The following ZMAT4 variants were observed in gnomAD, a reference collection of about 807,000 sequenced individuals.
ZMAT4 encodes the protein zinc finger matrin-type 4.
A neutral mutation model predicts 28.7 loss-of-function variants in ZMAT4; 17 were observed. The observed-to-expected ratio is 0.59, with a 90% CI of 0.41 to 0.89. The LOEUF (loss-of-function observed/expected upper bound fraction) is 0.89. Ranked by LOEUF, ZMAT4 falls within the 40% of genes least tolerant of loss-of-function variation. The pLI is 0.00. For synonymous variants in ZMAT4, 117 were observed against 109.2 expected (o/e 1.07, Z -0.44); for missense variants, 240 against 283.8 (o/e 0.85, Z 1.11).
At chr8:40,626,605 T>A (rs990469) in intron 5 of ZMAT4, among the ~76,000 whole-genome samples, 149,103 of 152,312 alleles carry the variant, frequency 0.98, 73,078 homozygotes, top group Middle Eastern at 1. Flanking sequence ...GACTTAGCAA[T>A]GTTGGTTAGT....
chr8:40,697,079 G>A, intron 4 of ZMAT4, 166 bp downstream of exon 4: 1 of 710,522 alleles, frequency 1.4e-6, no homozygotes, highest in East Asian at 2.7e-5. Context: ...GGGGTCTTAG[G>A]ACAGCCAGGT....
At chr8:40,740,396 A>G (rs1275251664) in intron 3 of ZMAT4, among the ~76,000 whole-genome samples, 2 of 152,270 alleles carry the variant, frequency 1.3e-5, no homozygotes, top group Non-Finnish European at 2.9e-5. Context: ...TTTTAAATGC[A>G]TAAAGCAAAA....
At chr8:40,703,928 G>C (rs536208731) in intron 3 of ZMAT4, among the ~76,000 whole-genome samples, 3 of 152,276 alleles carry the variant, frequency 2.0e-5, no homozygotes, top group East Asian at 1.9e-4. Flanking sequence ...TTTTGTTCAT[G>C]ATGGCTCCCA....
chr8:40,552,432 C>A (rs1294799271), intron 6 of ZMAT4, among the ~76,000 whole-genome samples: 2 of 152,158 alleles, frequency 1.3e-5, no homozygotes, highest in Non-Finnish European at 2.9e-5. Context: ...CTATCCAAGT[C>A]TTTATGTCCT....
intron 2 of ZMAT4, among the ~76,000 whole-genome samples, chr8:40,786,980 T>C (rs542046940): frequency 3.9e-4 from 60 of 152,272 alleles, no homozygotes; most frequent in African/African-American, 1.4e-3. Flanking sequence ...ACCCGAGAAA[T>C]TTTTTCAATA....
chr8:40,881,543 AAAGAAAG>A (rs1818255355), intron 1 of ZMAT4, among the ~76,000 whole-genome samples: 17 of 65,898 alleles, frequency 2.6e-4, no homozygotes, highest in African/African-American at 8.5e-4. Flanking sequence ...AGAAAGAAAG[AAAGAAAG>A]AAAGAAAGAA....
chr8:40,694,179 G>A (rs1809776001), intron 4 of ZMAT4, among the ~76,000 whole-genome samples: 1 of 152,148 alleles, frequency 6.6e-6, no homozygotes, highest in African/African-American at 2.4e-5. Flanking sequence ...TGAAGCCCTG[G>A]AGAAGCTGCT....
chr8:40,734,324 A>G (rs533738209), intron 3 of ZMAT4, among the ~76,000 whole-genome samples: 1 of 152,348 alleles, frequency 6.6e-6, no homozygotes, highest in South Asian at 2.1e-4. Flanking sequence ...ATGGCACTTA[A>G]GAGGAGTTAC....
intron 3 of ZMAT4, among the ~76,000 whole-genome samples, chr8:40,756,426 T>TTTTATATATATATATATATATA (rs1389568182): frequency 2.7e-5 from 2 of 73,284 alleles, no homozygotes; most frequent in Non-Finnish European, 4.8e-5. Context: ...AAATGTTCTT[T>TTTTATATATATATATATATATA]TATATATATA....
At chr8:40,650,141 G>A (rs1807565326) in intron 5 of ZMAT4, among the ~76,000 whole-genome samples, 1 of 152,146 alleles carries the variant, frequency 6.6e-6, no homozygotes, top group South Asian at 2.1e-4. Flanking sequence ...CCAGGAGCTG[G>A]TTTTTTGAAG....
intron 3 of ZMAT4, among the ~76,000 whole-genome samples, chr8:40,711,474 T>C (rs1810619055): frequency 6.6e-6 from 1 of 152,014 alleles, no homozygotes; most frequent in Non-Finnish European, 1.5e-5. Flanking sequence ...CCAAATCCAA[T>C]CAAGTCTCTG....
chr8:40,541,519 C>T (rs1436124919), intron 6 of ZMAT4, among the ~76,000 whole-genome samples: 2 of 152,074 alleles, frequency 1.3e-5, no homozygotes, highest in Admixed American at 6.6e-5. Flanking sequence ...AAATTCAGTT[C>T]CTCAGTCACA....
At chr8:40,601,693 AAAGAAAGAAAGAAAAG>A (rs1805386597) in intron 5 of ZMAT4, among the ~76,000 whole-genome samples, 1 of 30,572 alleles carries the variant, frequency 3.3e-5, no homozygotes, top group Non-Finnish European at 7.6e-5. Flanking sequence ...AGAAAGAAAG[AAAGAAAGAAAGAAAAG>A]AAAGAAAGAA....
At chr8:40,763,629 G>A (rs1320209588) in intron 3 of ZMAT4, among the ~76,000 whole-genome samples, 2 of 152,118 alleles carry the variant, frequency 1.3e-5, no homozygotes, top group Non-Finnish European at 2.9e-5. Flanking sequence ...TAGCATTTAG[G>A]GAAGCAGGAT....
chr8:40,576,334 T>G (rs1481753685), intron 6 of ZMAT4, among the ~76,000 whole-genome samples: 1 of 150,216 alleles, frequency 6.7e-6, no homozygotes, highest in African/African-American at 2.4e-5. Flanking sequence ...CCAAGTAGAT[T>G]AAACCCAAAA....
intron 3 of ZMAT4, among the ~76,000 whole-genome samples, chr8:40,711,665 G>A (rs559597939): frequency 6.6e-6 from 1 of 152,312 alleles, no homozygotes; most frequent in South Asian, 2.1e-4. Flanking sequence ...GACTAAAATA[G>A]ATGTAAAAAG....
chr8:40,865,028 T>C (rs1817628267), intron 1 of ZMAT4, among the ~76,000 whole-genome samples: 1 of 152,190 alleles, frequency 6.6e-6, no homozygotes, highest in South Asian at 2.1e-4. Flanking sequence ...ACTCAATGAA[T>C]TCTGTGCAAG....
At chr8:40,793,049 A>G (rs1436363889) in intron 2 of ZMAT4, among the ~76,000 whole-genome samples, 1 of 152,102 alleles carries the variant, frequency 6.6e-6, no homozygotes, top group Non-Finnish European at 1.5e-5. Context: ...GTCAACACTC[A>G]TCAAAGATAT....
chr8:40,533,140 ATTTAC>A (rs1802747115), intron 6 of ZMAT4, among the ~76,000 whole-genome samples: 1 of 152,140 alleles, frequency 6.6e-6, no homozygotes, highest in Admixed American at 6.5e-5. Flanking sequence ...TGAATTTTAC[ATTTAC>A]TTTACATTTT....
Sources: gnomAD v4.1 joint callset for allele counts (sites outside exome capture counted in the v4.1 genomes callset) on GRCh38, gnomAD v4.1.1 for gene constraint, MANE v1.5 for transcripts, NCBI Gene and HGNC (gene_info 2026-07-23, HGNC 2026-07-21) for gene names.